The following MAP3K1 variants were observed in gnomAD, a reference collection of about 807,000 sequenced individuals.
The protein encoded by MAP3K1 is mitogen-activated protein kinase kinase kinase 1.
In MAP3K1, 36 loss-of-function variants were observed where a neutral mutation model predicts 144.2. That is an observed-to-expected ratio of 0.25 (90% CI 0.19 to 0.33). The LOEUF (loss-of-function observed/expected upper bound fraction) is 0.33. MAP3K1 is among the 10% of genes least tolerant of loss of function. The pLI is 1.00. For synonymous variants in MAP3K1, 718 were observed against 688.7 expected, an observed-to-expected ratio of 1.04 and a Z score of -0.67; for missense variants, 1,650 against 1,881.9, an observed-to-expected ratio of 0.88 and a Z score of 2.28.
intron 1 of MAP3K1, among the ~76,000 whole-genome samples, chr5:56,853,574 A>G (rs905118713): frequency 6.6e-6 from 1 of 152,188 alleles, no homozygotes; most frequent in Non-Finnish European, 1.5e-5. Flanking sequence ...CTTACAGTTC[A>G]TAAGAGAGGA....
At chr5:56,890,675 T>A (rs1579789116) in intron 19 of MAP3K1, among the ~76,000 whole-genome samples, 1 of 152,208 alleles carries the variant, frequency 6.6e-6, no homozygotes, top group East Asian at 1.9e-4. Context: ...TATACAGAAA[T>A]TAAACGAGTA....
At position 56,815,993 on chromosome 5, in the gene MAP3K1, G is replaced by A; in HGVS notation, c.420G>A (p.Ala140=). The stretch of plus-strand genomic sequence containing the variant: ...ACAGCGGCGCCTCGAGTCCCGCAGC[G>A]GCCGAGCCCGGGGAGAAGCGGGCGC... ...APDSGASSPA[A]AEPGEKRAPA... Residue 140 remains alanine (A), a synonymous_variant, in exon 1 of 20, where the codon GCG becomes GCA. Coordinates refer to ENST00000399503, the MANE Select transcript of MAP3K1 (RefSeq NM_005921.2). 1 of 1,240,748 alleles carries A rather than the reference G, an allele frequency of 8.1e-7. No homozygotes were observed. Among genetic ancestry groups the A allele is most frequent in the Non-Finnish European group, 1.0e-6 (1 of 994,054 alleles). 76.9% of individuals were successfully genotyped at this position (1,240,748 alleles called of 1,614,324 possible). A position where few individuals can be genotyped will look rare whatever the true frequency, so the allele number is the denominator to read the frequency against.
intron 1 of MAP3K1, among the ~76,000 whole-genome samples, chr5:56,820,208 A>T (rs373970572): frequency 6.6e-6 from 1 of 152,082 alleles, no homozygotes; most frequent in East Asian, 1.9e-4. Context: ...GCCCCCTAAG[A>T]TAGTGTAATT....
At chr5:56,862,752 A>G (rs1477277727) in intron 3 of MAP3K1, among the ~76,000 whole-genome samples, 1 of 150,476 alleles carries the variant, frequency 6.6e-6, no homozygotes, top group Non-Finnish European at 1.5e-5. Context: ...TGACGTGTGC[A>G]TGCATAATTG....
rs73135095 is a variant in MAP3K1, at chr5:56,881,521, T to G, written c.2370-49T>G. ...CTACCATTTTTTAAGTTTCCATGTA[T>G]TTTTCAGTAATTGGAACTTATATGG... On this transcript the variant is annotated intron_variant, in intron 13 of 19. Transcript: ENST00000399503. The G allele has an allele frequency of 1.9e-5, 27 of 1,426,248 alleles. No homozygotes were observed. The African/African-American group carries it at 3.8e-4, about 20-fold the overall frequency. 88.3% of individuals were successfully genotyped at this position (1,426,248 alleles called of 1,614,324 possible). A position where few individuals can be genotyped will look rare whatever the true frequency, so the allele number is the denominator to read the frequency against.
chr5:56,875,980 AG>A (rs1748014244), intron 10 of MAP3K1, among the ~76,000 whole-genome samples: 1 of 152,206 alleles, frequency 6.6e-6, no homozygotes, highest in Non-Finnish European at 1.5e-5. Context: ...GCCTTTTCAA[AG>A]AAAAGGGTTC....
chr5:56,884,917 A>G (rs1748335368), intron 16 of MAP3K1, 91 bp downstream of exon 16: 4 of 1,227,606 alleles, frequency 3.3e-6, no homozygotes, highest in Non-Finnish European at 4.6e-6. Context: ...ATTTATTTCT[A>G]TCAAATAGTT....
At chr5:56,878,051 A>G (rs1224551913) in intron 10 of MAP3K1, among the ~76,000 whole-genome samples, 1 of 152,200 alleles carries the variant, frequency 6.6e-6, no homozygotes, top group African/African-American at 2.4e-5. Context: ...ACATATGCCC[A>G]TGGCTTTTAT....
chr5:56,852,721 A>G (rs1348692289), intron 1 of MAP3K1, among the ~76,000 whole-genome samples: 3 of 152,182 alleles, frequency 2.0e-5, no homozygotes, highest in African/African-American at 7.2e-5. Context: ...TTTCTGGGTA[A>G]TGTTTGGCAA....
At chr5:56,837,751 A>G (rs1170423992) in intron 1 of MAP3K1, among the ~76,000 whole-genome samples, 2 of 152,266 alleles carry the variant, frequency 1.3e-5, no homozygotes, top group Admixed American at 6.5e-5. Flanking sequence ...GGCAGGAGAC[A>G]TAAGCTTGAG....
chr5:56,867,312 A>T (rs970876447), intron 6 of MAP3K1, among the ~76,000 whole-genome samples: 2 of 152,242 alleles, frequency 1.3e-5, no homozygotes. Context: ...TACTGTACAT[A>T]CATAGATAGA....
At chr5:56,862,832 T>C (rs1747556921) in intron 3 of MAP3K1, among the ~76,000 whole-genome samples, 1 of 152,234 alleles carries the variant, frequency 6.6e-6, no homozygotes, top group Admixed American at 6.5e-5. Context: ...GATGTGTAAT[T>C]CATCTACTGT....
rs1748686491 is a variant in MAP3K1 at position 56,895,842 on chromosome 5, T to C, written c.*2162T>C. ...TTATTCCAGTTTCTACTACCTCAGG[T>C]GTCCTATAGATTTTTCTTCTACCAA... is the stretch of plus-strand genomic sequence containing the variant. On this transcript the variant is annotated 3_prime_UTR_variant, in exon 20 of 20. Coordinates refer to ENST00000399503, the MANE Select transcript of MAP3K1 (RefSeq NM_005921.2). 1.3e-5 allele frequency: 3 copies of C among 231,452 alleles called. No homozygotes were observed. In the South Asian group the frequency reaches 5.4e-4, roughly 42 times the overall value. 14.3% of individuals were successfully genotyped at this position (231,452 alleles called of 1,614,324 possible).
chr5:56,832,100 CTTTTGAG>C (rs1746511642), intron 1 of MAP3K1, among the ~76,000 whole-genome samples: 1 of 152,186 alleles, frequency 6.6e-6, no homozygotes, highest in Non-Finnish European at 1.5e-5. Context: ...TATTTAACCT[CTTTTGAG>C]TTTGACCTCA....
In MAP3K1 at chr5:56,864,742, T is replaced by C. The variant is rs1747624562; in HGVS notation, c.843T>C (p.Ser281=). ...RKRVSPVPFQ[S]GRITPPRRAP... ...AAAAAAATGTTGTGAAGTTTCAGAG[T>C]GGCAGAATCACACCACCCCGAAGAG... The change falls in exon 4 of 20, where the codon AGT becomes AGC. Residue 281 remains serine, a synonymous_variant. Transcript: ENST00000399503. 6.2e-7 allele frequency: 1 copy of C among 1,613,704 alleles called. No homozygotes were observed. The highest frequency in any genetic ancestry group is 8.5e-7 in the Non-Finnish European group (1 of 1,179,906).
intron 1 of MAP3K1, among the ~76,000 whole-genome samples, chr5:56,818,960 G>A (rs1746069509): frequency 6.6e-6 from 1 of 152,142 alleles, no homozygotes; most frequent in Non-Finnish European, 1.5e-5. Flanking sequence ...GGAGGTATAA[G>A]AGCATTATTA....
intron 6 of MAP3K1, 120 bp downstream of exon 6, chr5:56,866,097 C>T: frequency 1.0e-6 from 1 of 968,510 alleles, no homozygotes; most frequent in East Asian, 2.6e-5. Flanking sequence ...TCTTGGCTTT[C>T]AAGTTAAAAT....
chr5:56,859,770 C>T lies in MAP3K1; in HGVS notation c.689C>T (p.Ala230Val). The T allele has an allele frequency of 6.2e-7, 1 of 1,614,074 alleles. No homozygotes were observed. Among genetic ancestry groups the T allele is most frequent in the East Asian group, 2.2e-5 (1 of 44,846 alleles). Reference sequence around the variant, plus strand: ...GGATCTGAAATGAATCACTTAGCAGCTGAGTCTCCAGGAGAGGTCCAGGCA... The same window carrying T: ...GGATCTGAAATGAATCACTTAGCAGTTGAGTCTCCAGGAGAGGTCCAGGCA... ...GDGSEMNHLA[A>V]ESPGEVQASA... The change falls in exon 3 of 20, where the codon GCT becomes GTT. Residue 230 changes from alanine to valine, a missense_variant. By Grantham distance (64) the Ala-to-Val change is moderately conservative. Transcript: ENST00000399503.
At chr5:56,847,432 A>G (rs1747033121) in intron 1 of MAP3K1, among the ~76,000 whole-genome samples, 1 of 152,196 alleles carries the variant, frequency 6.6e-6, no homozygotes, top group African/African-American at 2.4e-5. Context: ...CCCCATCTCT[A>G]CTAAAAATAC....
Sources: allele counts gnomAD v4.1 joint callset (sites outside exome capture counted in the v4.1 genomes callset), GRCh38; gene constraint gnomAD v4.1.1; transcripts MANE v1.5; gene names NCBI Gene and HGNC (gene_info 2026-07-23, HGNC 2026-07-21).